The following PRKN variants were observed in gnomAD, a reference collection of about 807,000 sequenced individuals.
The protein encoded by PRKN is parkin RBR E3 ubiquitin protein ligase.
In PRKN, 56 loss-of-function variants were observed where a neutral mutation model predicts 59.5. That is an observed-to-expected ratio of 0.94 (90% CI 0.76 to 1.18). PRKN has a LOEUF of 1.18. Ranked by LOEUF, PRKN falls within the 50% of genes most tolerant of loss-of-function variation. The probability of loss-of-function intolerance (pLI) is 0.00; values close to 1 mark genes in which losing one functional copy is unlikely to be tolerated. For synonymous variants in PRKN, 250 were observed against 222.1 expected, an observed-to-expected ratio of 1.13 and a Z score of -1.12; for missense variants, 657 against 596.4, an observed-to-expected ratio of 1.10 and a Z score of -1.06.
intron 6 of PRKN, among the ~76,000 whole-genome samples, chr6:161,879,520 G>C (rs1185353420): frequency 6.6e-6 from 1 of 151,904 alleles, no homozygotes; most frequent in Non-Finnish European, 1.5e-5. Context: ...CTAACTTTTT[G>C]TATTTTGAGT....
chr6:161,586,204 G>A (rs1781515780), intron 7 of PRKN, among the ~76,000 whole-genome samples: 1 of 152,084 alleles, frequency 6.6e-6, no homozygotes, highest in African/African-American at 2.4e-5. Flanking sequence ...TTTATATAGA[G>A]ACAGGATTTT....
At chr6:162,672,215 T>C (rs1458504809) in intron 1 of PRKN, among the ~76,000 whole-genome samples, 2 of 152,098 alleles carry the variant, frequency 1.3e-5, no homozygotes, top group Non-Finnish European at 2.9e-5. Flanking sequence ...GTCAGAAAAA[T>C]ATGACTTAAA....
chr6:162,130,632 T>C (rs770864139), intron 4 of PRKN, among the ~76,000 whole-genome samples: 4 of 152,074 alleles, frequency 2.6e-5, no homozygotes, highest in Non-Finnish European at 4.4e-5. Flanking sequence ...ATAGTAGCAG[T>C]AGGAAATCAA....
At chr6:161,822,984 T>C (rs184812849) in intron 6 of PRKN, among the ~76,000 whole-genome samples, 14 of 152,320 alleles carry the variant, frequency 9.2e-5, no homozygotes, top group Admixed American at 3.3e-4. Context: ...TCACTCAGGC[T>C]GGAGTCCAGT....
intron 2 of PRKN, among the ~76,000 whole-genome samples, chr6:162,398,356 T>C (rs1286087178): frequency 6.6e-6 from 1 of 151,592 alleles, no homozygotes; most frequent in Non-Finnish European, 1.5e-5. Flanking sequence ...TTTGCTGTTA[T>C]AAAGAGTAAG....
intron 1 of PRKN, among the ~76,000 whole-genome samples, chr6:162,529,682 C>T (rs1341249448): frequency 6.6e-6 from 1 of 152,092 alleles, no homozygotes; most frequent in Non-Finnish European, 1.5e-5. Flanking sequence ...CCCACCACAC[C>T]CAGGGCTTAT....
At chr6:161,694,841 A>G (rs1022089821) in intron 7 of PRKN, among the ~76,000 whole-genome samples, 1 of 152,188 alleles carries the variant, frequency 6.6e-6, no homozygotes, top group Non-Finnish European at 1.5e-5. Flanking sequence ...AGAAAACAGA[A>G]TTGGCAGCTT....
chr6:161,411,886 T>C (rs1787561710), intron 9 of PRKN, among the ~76,000 whole-genome samples: 1 of 144,940 alleles, frequency 6.9e-6, no homozygotes, highest in African/African-American at 2.6e-5. Context: ...ATTCATTCCT[T>C]CCTCATTCAT....
chr6:161,965,847 T>C (rs1285215210), intron 6 of PRKN, among the ~76,000 whole-genome samples: 2 of 152,042 alleles, frequency 1.3e-5, no homozygotes, highest in Admixed American at 1.3e-4. Context: ...GACAAAAGAC[T>C]GTGGAGACCA....
Position 161,483,130 on chromosome 6 carries a change from A to G in PRKN, c.1083+65724T>C, listed in dbSNP as rs73589792. Among the ~76,000 whole-genome samples the G allele has an allele frequency of 0.024, 3,650 of 151,630 alleles. 140 individuals carry two copies. Among genetic ancestry groups the G allele is most frequent in the African/African-American group, 0.084 (3,468 of 41,248 alleles). ...AGCAATTTCTCTCTATGTGTTCTGC[A>G]GATAAATGTTCTTTCCGGCTCGTGA... is the stretch of plus-strand genomic sequence containing the variant. On this transcript the variant is annotated intron_variant, in intron 9 of 11. Coordinates refer to ENST00000366898, the MANE Select transcript of PRKN (RefSeq NM_004562.3). This position sits in a 1 kb window ranked among gnomAD's most constrained non-coding sequence, Gnocchi z 5.0.
chr6:162,542,124 T>G (rs893752929), intron 1 of PRKN, among the ~76,000 whole-genome samples: 6 of 152,144 alleles, frequency 3.9e-5, no homozygotes, highest in Non-Finnish European at 8.8e-5. Context: ...GGATTACAGG[T>G]GCAAAGAAGT....
intron 7 of PRKN, among the ~76,000 whole-genome samples, chr6:161,773,129 G>T (rs571172277): frequency 3.9e-5 from 6 of 152,314 alleles, no homozygotes; most frequent in South Asian, 2.1e-4. Flanking sequence ...CTTCTGGGCT[G>T]CTGGCTCACA....
intron 1 of PRKN, among the ~76,000 whole-genome samples, chr6:162,449,191 C>G (rs1040491852): frequency 3.3e-5 from 5 of 152,106 alleles, no homozygotes; most frequent in Non-Finnish European, 7.4e-5. Context: ...CTGGCCCTCA[C>G]TGGAACTTCA....
chr6:162,197,879 G>T (rs1283286543), intron 4 of PRKN, among the ~76,000 whole-genome samples: 1 of 152,222 alleles, frequency 6.6e-6, no homozygotes, highest in East Asian at 1.9e-4. Context: ...TACTTGATTC[G>T]TGTCTTTCTA....
At chr6:162,595,476 G>C (rs1182415622) in intron 1 of PRKN, among the ~76,000 whole-genome samples, 3 of 151,888 alleles carry the variant, frequency 2.0e-5, no homozygotes, top group Non-Finnish European at 4.4e-5. Flanking sequence ...AGCTGGTCTT[G>C]AACCCTTGAC....
chr6:162,544,370 T>C (rs1402622037), intron 1 of PRKN, among the ~76,000 whole-genome samples: 1 of 152,056 alleles, frequency 6.6e-6, no homozygotes, highest in East Asian at 1.9e-4. Context: ...CAGAATTAAA[T>C]AGAGATTCTA....
chr6:161,974,162 G>A (rs1780936184), intron 5 of PRKN, among the ~76,000 whole-genome samples: 1 of 152,122 alleles, frequency 6.6e-6, no homozygotes, highest in African/African-American at 2.4e-5. Flanking sequence ...AGCTACTCGA[G>A]AGGCTGAGGC....
intron 1 of PRKN, among the ~76,000 whole-genome samples, chr6:162,485,823 CA>C (rs1792512106): frequency 6.6e-6 from 1 of 152,178 alleles, no homozygotes; most frequent in African/African-American, 2.4e-5. Flanking sequence ...GTCACACTGA[CA>C]GAAATGGAAT....
At chr6:162,270,083 C>T (rs1780308059) in intron 2 of PRKN, 2 of 152,210 alleles carry the variant, frequency 1.3e-5, no homozygotes, top group Admixed American at 1.3e-4. Context: ...AAGTTTATAG[C>T]AGCACAATTC....
Sources: allele counts gnomAD v4.1 joint callset (sites outside exome capture counted in the v4.1 genomes callset), GRCh38; gene constraint gnomAD v4.1.1; non-coding constraint Gnocchi (gnomAD v3.1); transcripts MANE v1.5; gene names NCBI Gene and HGNC (gene_info 2026-07-23, HGNC 2026-07-21).